The following ASIC2 variants were observed in gnomAD, a reference collection of about 807,000 sequenced individuals.
ASIC2 encodes acid sensing ion channel subunit 2, also known as acid-sensing ion channel 2.
In ASIC2, 25 loss-of-function variants were observed where a neutral mutation model predicts 57.3. The observed-to-expected ratio is 0.44, with a 90% CI of 0.32 to 0.61. The LOEUF (loss-of-function observed/expected upper bound fraction) is 0.61, where lower values mean the gene tolerates loss of function less well. Ranked by LOEUF, ASIC2 falls within the 20% of genes least tolerant of loss-of-function variation. ASIC2 has a pLI of 0.06. For synonymous variants in ASIC2, 319 were observed against 307.5 expected (o/e 1.04, Z -0.39); for missense variants, 641 against 738.1 (o/e 0.87, Z 1.52).
chr17:33,260,991 T>G (rs1445196535), intron 1 of ASIC2, among the ~76,000 whole-genome samples: 1 of 152,192 alleles, frequency 6.6e-6, no homozygotes, highest in Admixed American at 6.5e-5. Flanking sequence ...CTGATTTCAT[T>G]CCTTATTGCC....
chr17:33,865,609 G>A (rs1275257960), intron 1 of ASIC2, among the ~76,000 whole-genome samples: 1 of 151,726 alleles, frequency 6.6e-6, no homozygotes, highest in Non-Finnish European at 1.5e-5. Flanking sequence ...TCTAAAAAAC[G>A]TTTGTTTTTT....
At chr17:33,404,554 T>C (rs1055060929) in intron 1 of ASIC2, among the ~76,000 whole-genome samples, 2 of 152,198 alleles carry the variant, frequency 1.3e-5, no homozygotes, top group African/African-American at 2.4e-5. Flanking sequence ...CAACTTCCAA[T>C]CAGTTGCACT....
chr17:33,298,818 A>T (rs898369057), intron 1 of ASIC2, among the ~76,000 whole-genome samples: 1 of 152,192 alleles, frequency 6.6e-6, no homozygotes, highest in Non-Finnish European at 1.5e-5. Context: ...TATCCAAATC[A>T]TGAGTGAACT....
chr17:33,223,393 G>A (rs999731100), intron 1 of ASIC2, among the ~76,000 whole-genome samples: 7 of 152,090 alleles, frequency 4.6e-5, no homozygotes, highest in African/African-American at 1.7e-4. Flanking sequence ...ATGTTGGCCA[G>A]GCTGGTCTCA....
rs544813330 is a variant in ASIC2 at position 34,062,492 on chromosome 17, T to A, written c.555+93486A>T. On this transcript the variant is annotated intron_variant, in intron 1 of 9. Coordinates refer to the ASIC2 transcript ENST00000359872. ...GAAAGAAGAACAAACCAAACCCAAA[T>A]CCAGTAGAAGAAAGTAAATAACCAA... 4.6e-5 allele frequency among the ~76,000 whole-genome samples: 7 copies of A among 151,282 alleles called. No individual in the cohort carries two copies. In the South Asian group the frequency reaches 1.3e-3, roughly 27 times the overall value.
At position 33,735,411 on chromosome 17, in the gene ASIC2, C is replaced by T. The variant is rs74450662; in HGVS notation, c.555+420567G>A. On this transcript the variant is annotated intron_variant, in intron 1 of 9. Transcript: ENST00000359872. ...GAAAGGTTCACTGTATTATTCCTGA[C>T]TGTTCTTCTGGGTAGTGACCAAAGA... is the stretch of plus-strand genomic sequence containing the variant. Among the ~76,000 whole-genome samples, 12 of 152,286 alleles carry T rather than the reference C, an allele frequency of 7.9e-5. No homozygotes were observed. The East Asian group carries it at 1.7e-3, about 22-fold the overall frequency.
intron 3 of ASIC2, among the ~76,000 whole-genome samples, chr17:33,060,501 T>C (rs910359680): frequency 1.3e-5 from 2 of 150,850 alleles, no homozygotes; most frequent in Non-Finnish European, 3.0e-5. Context: ...GAGGGCTCTG[T>C]TCTGTTCCGT....
intron 1 of ASIC2, among the ~76,000 whole-genome samples, chr17:33,590,169 C>G (rs1388814432): frequency 6.6e-6 from 1 of 152,184 alleles, no homozygotes; most frequent in African/African-American, 2.4e-5. Context: ...GCCCTCCTTT[C>G]CTATATCCTT....
chr17:33,369,495 T>A (rs772329402), intron 1 of ASIC2, among the ~76,000 whole-genome samples: 1 of 152,334 alleles, frequency 6.6e-6, no homozygotes, highest in East Asian at 1.9e-4. Context: ...CTGCCTTGCC[T>A]CCTTCCAGGA....
At chr17:33,929,097 T>C (rs1487848591) in intron 1 of ASIC2, among the ~76,000 whole-genome samples, 1 of 152,166 alleles carries the variant, frequency 6.6e-6, no homozygotes, top group Admixed American at 6.5e-5. Flanking sequence ...TGCTGGGGCC[T>C]AAACTGCCTC....
At chr17:34,128,543 C>T (rs72822935) in intron 1 of ASIC2, among the ~76,000 whole-genome samples, 2,689 of 152,232 alleles carry the variant, frequency 0.018, 42 homozygotes, top group Non-Finnish European at 0.03. Flanking sequence ...ACTTAACTTC[C>T]AAGAGCCTCA....
chr17:33,043,732 C>T (rs1387910741), intron 3 of ASIC2, among the ~76,000 whole-genome samples: 1 of 152,150 alleles, frequency 6.6e-6, no homozygotes, highest in Non-Finnish European at 1.5e-5. Context: ...CCCACAAGAA[C>T]AGTAACCACA....
intron 1 of ASIC2, among the ~76,000 whole-genome samples, chr17:33,858,899 C>T (rs1190515337): frequency 6.6e-6 from 1 of 152,174 alleles, no homozygotes; most frequent in Non-Finnish European, 1.5e-5. Context: ...GCCCTTGAGT[C>T]CCTACTCAGC....
At chr17:33,440,839 A>G (rs374226962) in intron 1 of ASIC2, among the ~76,000 whole-genome samples, 11 of 152,226 alleles carry the variant, frequency 7.2e-5, no homozygotes, top group African/African-American at 2.4e-4. Flanking sequence ...GAGTTATAAG[A>G]GTTCTTCACA....
intron 1 of ASIC2, among the ~76,000 whole-genome samples, chr17:33,120,813 T>C (rs994130117): frequency 1.3e-5 from 2 of 152,216 alleles, no homozygotes; most frequent in Non-Finnish European, 2.9e-5. Context: ...GTCATTTTCA[T>C]CTCTGTGTTC....
chr17:33,705,135 T>C lies in ASIC2; in HGVS notation c.555+450843A>G, dbSNP rs578244824. Among the ~76,000 whole-genome samples, 9 of 152,340 alleles carry C rather than the reference T, an allele frequency of 5.9e-5. No homozygotes were observed. In the East Asian group the frequency reaches 1.7e-3, roughly 29 times the overall value. ...TAGATTAGCCAAAGCATGAAATTTT[T>C]CTTCCTGCCTCTTTTTTCTCACAAA... On this transcript the variant is annotated intron_variant, in intron 1 of 9. Coordinates refer to the ASIC2 transcript ENST00000359872.
In ASIC2 at chr17:34,009,586, A is replaced by T. The variant is rs1906645442; in HGVS notation, c.555+146392T>A. On this transcript the variant is annotated intron_variant, in intron 1 of 9. Transcript: ENST00000359872. Reference sequence around the variant, plus strand: ...TTTAACTTTTTAAAATGTGACTATTAGAAAAATTTGAATCACATATGAGGC... The same window carrying T: ...TTTAACTTTTTAAAATGTGACTATTTGAAAAATTTGAATCACATATGAGGC... 2.0e-5 allele frequency among the ~76,000 whole-genome samples: 3 copies of T among 152,266 alleles called. No homozygotes were observed. The South Asian group carries it at 6.2e-4, about 31-fold the overall frequency.
intron 3 of ASIC2, among the ~76,000 whole-genome samples, chr17:33,068,545 A>G (rs2141947280): frequency 6.6e-6 from 1 of 152,148 alleles, no homozygotes; most frequent in South Asian, 2.1e-4. Context: ...AAAACAAAAC[A>G]AAACAAAACA....
chr17:33,322,951 A>G (rs1375677319), intron 1 of ASIC2, among the ~76,000 whole-genome samples: 2 of 152,224 alleles, frequency 1.3e-5, no homozygotes, highest in South Asian at 2.1e-4. Flanking sequence ...AGTACATGGT[A>G]TGATAATTCA....
Sources: gnomAD v4.1 joint callset for allele counts (sites outside exome capture counted in the v4.1 genomes callset) on GRCh38, gnomAD v4.1.1 for gene constraint, MANE v1.5 for transcripts, NCBI Gene and HGNC (gene_info 2026-07-23, HGNC 2026-07-21) for gene names.